The following VTI1A variants were observed in gnomAD, a reference collection of about 807,000 sequenced individuals.
VTI1A encodes the protein vesicle transport through interaction with t-SNAREs 1A.
A neutral mutation model predicts 34.9 loss-of-function variants in VTI1A; 22 were observed. That is an observed-to-expected ratio of 0.63 (90% CI 0.45 to 0.90). The LOEUF (loss-of-function observed/expected upper bound fraction) is 0.90. VTI1A is among the 40% of genes least tolerant of loss of function. VTI1A has a pLI of 0.00. For missense variants in VTI1A, 268 were observed against 275.6 expected, an observed-to-expected ratio of 0.97 and a Z score of 0.20; for synonymous variants, 87 against 97.3, an observed-to-expected ratio of 0.89 and a Z score of 0.62.
At chr10:112,836,434 G>C in the VTI1A span, among the ~76,000 whole-genome samples, 1 of 152,188 alleles carries the variant, frequency 6.6e-6, no homozygotes, top group African/African-American at 2.4e-5. Flanking sequence ...GCCAAGAATA[G>C]AACAGCAGTT....
intron 7 of VTI1A, among the ~76,000 whole-genome samples, chr10:112,694,879 G>A (rs1479227351): frequency 6.6e-6 from 1 of 152,128 alleles, no homozygotes; most frequent in Non-Finnish European, 1.5e-5. Flanking sequence ...TGAGGCAGGA[G>A]AATCACTTGA....
chr10:112,595,910 C>G (rs564273741), intron 5 of VTI1A, among the ~76,000 whole-genome samples: 97 of 152,162 alleles, frequency 6.4e-4, no homozygotes, highest in Non-Finnish European at 1.2e-3. Flanking sequence ...TTGGAACCAA[C>G]CCAAATGTCC....
intron 1 of VTI1A, among the ~76,000 whole-genome samples, chr10:112,455,616 T>C: frequency 7.6e-6 from 1 of 131,150 alleles, no homozygotes; most frequent in African/African-American, 3.0e-5. Context: ...GCTTTGTTCT[T>C]TCCCTCCTTC....
chr10:112,803,120 G>A (rs149384310), intron 7 of VTI1A, among the ~76,000 whole-genome samples: 92 of 152,286 alleles, frequency 6.0e-4, no homozygotes, highest in African/African-American at 2.1e-3. Flanking sequence ...CCAGGCTGGA[G>A]TGTAATGGTT....
At chr10:112,769,165 A>G (rs1479297158) in intron 7 of VTI1A, among the ~76,000 whole-genome samples, 4 of 152,184 alleles carry the variant, frequency 2.6e-5, no homozygotes, top group South Asian at 4.1e-4. Flanking sequence ...AAAATTTGCA[A>G]TTAATTACAT....
the VTI1A span, among the ~76,000 whole-genome samples, chr10:112,830,340 A>C: frequency 6.9e-6 from 1 of 144,640 alleles, no homozygotes; most frequent in African/African-American, 2.6e-5. Flanking sequence ...CACTTCCCTC[A>C]CTCCTTTCTC....
chr10:112,708,808 G>A (rs1849291962), intron 7 of VTI1A, among the ~76,000 whole-genome samples: 1 of 152,354 alleles, frequency 6.6e-6, no homozygotes, highest in Non-Finnish European at 1.5e-5. Flanking sequence ...CATCCATTTT[G>A]TGTAGCCTTT....
rs899368523 is a variant in VTI1A at position 112,689,475 on chromosome 10, G to T, written c.560+20477G>T. Among the ~76,000 whole-genome samples, 3 of 152,304 alleles carry T rather than the reference G, an allele frequency of 2.0e-5. No individual in the cohort carries two copies. The South Asian group carries it at 6.2e-4, about 32-fold the overall frequency. Reference sequence around the variant, plus strand: ...AGCTGACTCCAGGAGACATGGGTGGGGTGCCCTGGTAGGAGGTGCTGGACA... The same window carrying T: ...AGCTGACTCCAGGAGACATGGGTGGTGTGCCCTGGTAGGAGGTGCTGGACA... On this transcript the variant is annotated intron_variant, in intron 7 of 7. Transcript: ENST00000393077.
chr10:112,741,683 G>A (rs1395029590), intron 7 of VTI1A, among the ~76,000 whole-genome samples: 1 of 152,156 alleles, frequency 6.6e-6, no homozygotes, highest in East Asian at 1.9e-4. Context: ...TTGAAGGTGA[G>A]TTTTTAAAAA....
intron 7 of VTI1A, among the ~76,000 whole-genome samples, chr10:112,730,218 C>G (rs1003665540): frequency 1.3e-5 from 2 of 152,176 alleles, no homozygotes; most frequent in African/African-American, 4.8e-5. Flanking sequence ...CAGCTACCAG[C>G]AAACCAGAGA....
chr10:112,520,641 G>GTATATATATATA (rs1397537845), intron 3 of VTI1A, among the ~76,000 whole-genome samples: 1 of 111,422 alleles, frequency 9.0e-6, no homozygotes, highest in African/African-American at 3.0e-5. Flanking sequence ...GTGTGTGTGT[G>GTATATATATATA]TGTGTGTATA....
Position 112,671,431 on chromosome 10 carries a change from A to G in VTI1A, c.560+2433A>G, listed in dbSNP as rs11196049. On this transcript the variant is annotated intron_variant, in intron 7 of 7. Coordinates refer to ENST00000393077, the MANE Select transcript of VTI1A (RefSeq NM_145206.4). ...TTGTGAAGTGTGAGCATTTACCTGC[A>G]TATAACATAAGCTTATTTTCATATG... is the stretch of plus-strand genomic sequence containing the variant. Among the ~76,000 whole-genome samples the G allele has an allele frequency of 5.9e-3, 904 of 152,378 alleles. 51 individuals carry two copies. The East Asian group carries it at 0.12, about 20-fold the overall frequency.
chr10:112,618,512 T>G (rs1469567690), intron 5 of VTI1A, among the ~76,000 whole-genome samples: 6,700 of 37,330 alleles, frequency 0.18, 291 homozygotes, highest in African/African-American at 0.23. Context: ...TATATATATA[T>G]ATATATATAT....
intron 1 of VTI1A, among the ~76,000 whole-genome samples, chr10:112,459,698 A>C (rs776314684): frequency 1.3e-5 from 2 of 152,228 alleles, no homozygotes; most frequent in Non-Finnish European, 1.5e-5. Context: ...TAACTAGGGT[A>C]TGTGAACAAA....
intron 7 of VTI1A, among the ~76,000 whole-genome samples, chr10:112,686,693 G>A (rs774701887): frequency 6.6e-6 from 1 of 152,114 alleles, no homozygotes; most frequent in African/African-American, 2.4e-5. Flanking sequence ...AGTCAGCCAC[G>A]GTGTAAGTGC....
chr10:112,697,041 T>G (rs1183526136), intron 7 of VTI1A, among the ~76,000 whole-genome samples: 1 of 152,204 alleles, frequency 6.6e-6, no homozygotes, highest in African/African-American at 2.4e-5. Flanking sequence ...TCAGTTTTTC[T>G]TTATTCAGAA....
At chr10:112,646,513 G>A (rs1846789924) in intron 5 of VTI1A, among the ~76,000 whole-genome samples, 1 of 151,900 alleles carries the variant, frequency 6.6e-6, no homozygotes, top group Non-Finnish European at 1.5e-5. Flanking sequence ...AATCTGTGAA[G>A]AGTACCATGT....
At chr10:112,656,521 A>ATT (rs768159688) in intron 5 of VTI1A, among the ~76,000 whole-genome samples, 2,801 of 103,050 alleles carry the variant, frequency 0.027, 157 homozygotes, top group African/African-American at 0.092. Context: ...CACCCAGATA[A>ATT]TTTTTTTTTT....
At chr10:112,748,823 G>T (rs1851002449) in intron 7 of VTI1A, among the ~76,000 whole-genome samples, 2 of 151,616 alleles carry the variant, frequency 1.3e-5, no homozygotes, top group Non-Finnish European at 2.9e-5. Context: ...TAGAGACGGG[G>T]TTTCACCGTG....
Sources: gnomAD v4.1 joint callset for allele counts (sites outside exome capture counted in the v4.1 genomes callset) on GRCh38, gnomAD v4.1.1 for gene constraint, MANE v1.5 for transcripts, NCBI Gene and HGNC (gene_info 2026-07-23, HGNC 2026-07-21) for gene names.